HIGD2B: variants seen among roughly 807,000 people sequenced by gnomAD.
HIGD2B encodes HIG1 hypoxia inducible domain family member 2B.
For synonymous variants in HIGD2B, 45 were observed against 28.1 expected (o/e 1.60, Z -1.90); for missense variants, 106 against 67.0 (o/e 1.58, Z -2.03).
intron 1 of HIGD2B, among the ~76,000 whole-genome samples, chr15:72,683,608 A>G (rs951274643): frequency 2.6e-5 from 4 of 152,122 alleles, no homozygotes; most frequent in African/African-American, 7.2e-5. Flanking sequence ...TGGGAGGCCA[A>G]GTTGGCTGGA....
rs1311067639 is a variant in HIGD2B at position 72,684,002 on chromosome 15, TGGAGAATTTAGCACCAGGCATGGTG to T, written c.-193+1791_-193+1815del. On this transcript the variant is annotated intron_variant, in intron 1 of 2. Transcript: ENST00000311755. ...AGGTGTTTAATTAATCTCTGAAAAG[TGGAGAATTTAGCACCAGGCATGGTG>T]ACTGGTGCCTGTAATCCTAGCTACT... Among the ~76,000 whole-genome samples the T allele has an allele frequency of 6.6e-5, 10 of 150,770 alleles. 1 individual carries two copies. Among genetic ancestry groups the T allele is most frequent in the Admixed American group, 4.6e-4 (7 of 15,094 alleles).
chr15:72,680,098 A>AAGC lies in HIGD2B; in HGVS notation c.-98_-97insGCT. 3.0e-6 allele frequency: 1 copy of AAGC among 332,776 alleles called. No individual in the cohort carries two copies. Among genetic ancestry groups the AAGC allele is most frequent in the Non-Finnish European group, 5.0e-6 (1 of 199,882 alleles). 20.6% of individuals were successfully genotyped at this position (332,776 alleles called of 1,614,324 possible). A position where few individuals can be genotyped will look rare whatever the true frequency, so the allele number is the denominator to read the frequency against. On this transcript the variant is annotated 5_prime_UTR_variant, in exon 2 of 3. The change creates a new upstream start codon in the 5' untranslated region. Coordinates refer to ENST00000311755, the MANE Select transcript of HIGD2B (RefSeq NM_001350932.3). ...AGATTCCCTGCTTTTGCCTGGGCAA[A>AAGC]ATAGTCCATCAACCAAAGTTTAGGT...
chr15:72,681,343 C>T (rs973008049), intron 1 of HIGD2B, among the ~76,000 whole-genome samples: 1 of 152,180 alleles, frequency 6.6e-6, no homozygotes, highest in Non-Finnish European at 1.5e-5. Context: ...TCAGAACTCT[C>T]ATGGCATGGC....
Position 72,685,880 on chromosome 15 carries a change from T to G in HIGD2B, c.-255A>C. 2.3e-6 allele frequency: 1 copy of G among 438,056 alleles called. No homozygotes were observed. Among genetic ancestry groups the G allele is most frequent in the Non-Finnish European group, 4.3e-6 (1 of 235,112 alleles). The allele number at this position is 438,056 out of a possible 1,614,324, so 27.1% of individuals were successfully genotyped here. A position where few individuals can be genotyped will look rare whatever the true frequency, so the allele number is the denominator to read the frequency against. ...GAAGAAGGACTGAATTAAATGCAGATTAGAGTCAGGGCAGGGTAAGGTGGC... is the reference window on the plus strand; with the variant it reads ...GAAGAAGGACTGAATTAAATGCAGAGTAGAGTCAGGGCAGGGTAAGGTGGC... On this transcript the variant is annotated 5_prime_UTR_variant, in exon 1 of 3. Transcript: ENST00000311755.
chr15:72,682,426 G>C (rs1331964287), intron 1 of HIGD2B: 1 of 212,290 alleles, frequency 4.7e-6, no homozygotes, highest in East Asian at 1.1e-4. Context: ...ATCCACACTA[G>C]GCATGGTGGC....
chr15:72,677,791 A>G (rs981589407), intron 2 of HIGD2B, among the ~76,000 whole-genome samples: 2 of 152,014 alleles, frequency 1.3e-5, no homozygotes, highest in African/African-American at 4.8e-5. Flanking sequence ...AAAATAATAA[A>G]TAGAACATAT....
chr15:72,685,979 C>T lies in HIGD2B; in HGVS notation c.-354G>A. 1 of 598,454 alleles carries T rather than the reference C, an allele frequency of 1.7e-6. No homozygotes were observed. Among genetic ancestry groups the T allele is most frequent in the Non-Finnish European group, 3.0e-6 (1 of 335,326 alleles). The allele number at this position is 598,454 out of a possible 1,614,324, so 37.1% of individuals were successfully genotyped here. Reference sequence around the variant, plus strand: ...GCCGGAGGTACAGACCATGTACAGACCACGGCGAGGGGTGTTAGGGGCTTC... The same window carrying T: ...GCCGGAGGTACAGACCATGTACAGATCACGGCGAGGGGTGTTAGGGGCTTC... On this transcript the variant is annotated 5_prime_UTR_variant, in exon 1 of 3. Transcript: ENST00000311755.
Position 72,676,235 on chromosome 15 carries a change from G to A in HIGD2B, c.140C>T (p.Pro47Leu), listed in dbSNP as rs778013021. ...GCACAGGAAACCTATGGGTACCACC[G>A]GATTCTCGCGGGTCTTGCGAAGGAA... is the stretch of plus-strand genomic sequence containing the variant. Reference protein sequence around the residue: ...EKFLRKTRENPVVPIGFLCTA... With the variant: ...EKFLRKTRENLVVPIGFLCTA... Residue 47 changes from proline (P) to leucine (L), a missense_variant, in exon 3 of 3, where the codon CCG becomes CTG. Pro to Leu is a moderately conservative substitution (Grantham distance 98, BLOSUM62 -3). Transcript: ENST00000311755. 9.1e-6 allele frequency: 7 copies of A among 766,752 alleles called. No homozygotes were observed. The highest frequency in any genetic ancestry group is 4.0e-5 in the South Asian group (3 of 74,186). 47.5% of individuals were successfully genotyped at this position (766,752 alleles called of 1,614,324 possible).
chr15:72,677,472 G>A (rs539096199), intron 2 of HIGD2B, among the ~76,000 whole-genome samples: 1 of 150,330 alleles, frequency 6.7e-6, no homozygotes, highest in Admixed American at 6.6e-5. Flanking sequence ...GTAAATAGGG[G>A]GTCTGGTAGG....
intron 1 of HIGD2B, chr15:72,682,127 T>G (rs1410663825): frequency 6.6e-6 from 1 of 152,222 alleles, no homozygotes; most frequent in Non-Finnish European, 1.5e-5. Context: ...GTTTTCTTGA[T>G]TGCTTCCTTA....
At chr15:72,681,722 T>G (rs1225331909) in intron 1 of HIGD2B, among the ~76,000 whole-genome samples, 3 of 150,700 alleles carry the variant, frequency 2.0e-5, no homozygotes, top group Admixed American at 1.3e-4. Flanking sequence ...TTCTCCTGCC[T>G]CAGCCTCCCG....
chr15:72,680,522 T>A (rs2064738254), intron 1 of HIGD2B, among the ~76,000 whole-genome samples: 1 of 152,094 alleles, frequency 6.6e-6, no homozygotes, highest in Non-Finnish European at 1.5e-5. Context: ...TACCAATCAA[T>A]AAATATAATC....
intron 2 of HIGD2B, 100 bp from the exon 3 acceptor site, chr15:72,676,487 C>A: frequency 1.7e-6 from 1 of 600,750 alleles, no homozygotes; most frequent in Non-Finnish European, 3.0e-6. Context: ...TCACTGAAAC[C>A]TCTGCCTCCC....
intron 1 of HIGD2B, among the ~76,000 whole-genome samples, chr15:72,683,478 C>A (rs2064770663): frequency 6.8e-6 from 1 of 146,700 alleles, no homozygotes; most frequent in Non-Finnish European, 1.5e-5. Context: ...ATGATTTCTT[C>A]CTAGACTGCC....
intron 1 of HIGD2B, among the ~76,000 whole-genome samples, chr15:72,683,982 TTTAA>T (rs1366761375): frequency 4.0e-5 from 6 of 151,060 alleles, no homozygotes; most frequent in Non-Finnish European, 7.4e-5. Flanking sequence ...AGGCAAGGTG[TTTAA>T]TTAATCTCTG....
rs932207236 is a variant in HIGD2B at position 72,685,957 on chromosome 15, G to A, written c.-332C>T. ...GGCTGGCCTACCAGCCAGCGCGGCC[G>A]GAGGTACAGACCATGTACAGACCAC... On this transcript the variant is annotated 5_prime_UTR_variant, in exon 1 of 3. Coordinates refer to ENST00000311755, the MANE Select transcript of HIGD2B (RefSeq NM_001350932.3). 5 of 559,550 alleles carry A rather than the reference G, an allele frequency of 8.9e-6. No individual in the cohort carries two copies. The highest frequency in any genetic ancestry group is 1.6e-5 in the Non-Finnish European group (5 of 311,420). 34.7% of individuals were successfully genotyped at this position (559,550 alleles called of 1,614,324 possible). A position where few individuals can be genotyped will look rare whatever the true frequency, so the allele number is the denominator to read the frequency against.
intron 2 of HIGD2B, among the ~76,000 whole-genome samples, chr15:72,678,659 G>T (rs759502681): frequency 6.6e-6 from 1 of 152,104 alleles, no homozygotes; most frequent in Non-Finnish European, 1.5e-5. Flanking sequence ...AGAGATTCCT[G>T]GGGGCAGCCA....
At chr15:72,684,645 G>A (rs908236153) in intron 1 of HIGD2B, among the ~76,000 whole-genome samples, 10 of 152,138 alleles carry the variant, frequency 6.6e-5, no homozygotes, top group South Asian at 4.2e-4. Context: ...CGGCCACCAC[G>A]CCCGGATAAT....
intron 1 of HIGD2B, 25 bp downstream of exon 1, chr15:72,685,793 A>T (rs1387055216): frequency 3.4e-6 from 1 of 296,366 alleles, no homozygotes; most frequent in Non-Finnish European, 6.6e-6. Flanking sequence ...CGATAGTGAC[A>T]GCCAAGAAAC....
Sources: allele counts gnomAD v4.1 joint callset (sites outside exome capture counted in the v4.1 genomes callset), GRCh38; gene constraint gnomAD v4.1.1; transcripts MANE v1.5; gene names NCBI Gene and HGNC (gene_info 2026-07-23, HGNC 2026-07-21).